Variants in CELF2 observed in about 807,000 individuals in gnomAD.
CELF2 encodes the protein CUGBP Elav-like family member 2, also known as CUG triplet repeat RNA-binding protein 2.
A neutral mutation model predicts 62.6 loss-of-function variants in CELF2; 8 were observed. That is an observed-to-expected ratio of 0.13 (90% CI 0.07 to 0.23). The LOEUF is 0.23. CELF2 is among the 10% of genes least tolerant of loss of function. CELF2 has a pLI of 1.00. For synonymous variants in CELF2, 258 were observed against 250.0 expected (o/e 1.03, Z -0.30); for missense variants, 333 against 671.0 (o/e 0.50, Z 5.56).
At chr10:11,202,013 T>A (rs184015953) in intron 2 of CELF2, among the ~76,000 whole-genome samples, 31 of 152,258 alleles carry the variant, frequency 2.0e-4, no homozygotes, top group Admixed American at 6.5e-4. Context: ...AAATTTGGCC[T>A]CACTGCATAG....
chr10:10,742,541 A>T, the CELF2 span, among the ~76,000 whole-genome samples: 1 of 150,924 alleles, frequency 6.6e-6, no homozygotes, highest in African/African-American at 2.4e-5. Context: ...AGGCAGGATG[A>T]TCCAAGATAG....
At chr10:10,597,971 G>T in the CELF2 span, among the ~76,000 whole-genome samples, 1 of 151,974 alleles carries the variant, frequency 6.6e-6, no homozygotes, top group Non-Finnish European at 1.5e-5. Flanking sequence ...TTAATGAATC[G>T]AGTCTAAGGA....
At chr10:11,322,816 C>T (rs2095513315) in intron 11 of CELF2, among the ~76,000 whole-genome samples, 1 of 152,076 alleles carries the variant, frequency 6.6e-6, no homozygotes, top group South Asian at 2.1e-4. Context: ...ACTGGTTCCC[C>T]AGGCTTGTGA....
chr10:11,305,060 G>C lies in CELF2; in HGVS notation c.977-9079G>C, dbSNP rs1591144623. Among the ~76,000 whole-genome samples the C allele has an allele frequency of 6.6e-6, 1 of 152,056 alleles. No individual in the cohort carries two copies. The highest frequency in any genetic ancestry group is 1.5e-5 in the Non-Finnish European group (1 of 67,980). On this transcript the variant is annotated intron_variant, in intron 9 of 12. Coordinates refer to ENST00000633077, the MANE Select transcript of CELF2 (RefSeq NM_001326342.2). The surrounding 1 kb of genome is among the most constrained non-coding windows in gnomAD (Gnocchi z 4.8). Reference sequence around the variant, plus strand: ...TCGGCATCTTCTGGTTCAACTCGGTGCCCCTCCTCCAGCCCTGGCCCAGTG... The same window carrying C: ...TCGGCATCTTCTGGTTCAACTCGGTCCCCCTCCTCCAGCCCTGGCCCAGTG...
upstream of CELF2, among the ~76,000 whole-genome samples, chr10:10,796,057 GT>G (rs1402674389): frequency 2.6e-5 from 4 of 151,982 alleles, no homozygotes; most frequent in Non-Finnish European, 5.9e-5. Flanking sequence ...CTGATTTTCC[GT>G]TTATGGAAAT....
intron 1 of CELF2, among the ~76,000 whole-genome samples, chr10:11,028,709 G>A (rs940113560): frequency 3.2e-5 from 4 of 123,770 alleles, no homozygotes; most frequent in East Asian, 2.4e-4. Context: ...GTGAGCCACC[G>A]CACCCAGCCT....
the CELF2 span, among the ~76,000 whole-genome samples, chr10:10,658,827 A>G: frequency 6.2e-4 from 94 of 152,154 alleles, no homozygotes; most frequent in Non-Finnish European, 1.2e-3. Flanking sequence ...TTTATCTGGA[A>G]TTTATGTTTT....
At position 11,022,623 on chromosome 10, in the gene CELF2, T is replaced by A. The variant is rs749900158; in HGVS notation, c.74+4460T>A. Among the ~76,000 whole-genome samples, 30 of 152,204 alleles carry A rather than the reference T, an allele frequency of 2.0e-4. No individual in the cohort carries two copies. The Middle Eastern group carries it at 0.01, about 52-fold the overall frequency. On this transcript the variant is annotated intron_variant, in intron 1 of 12. Coordinates refer to ENST00000633077, the MANE Select transcript of CELF2 (RefSeq NM_001326342.2). ...AATATCCTTAGCTTTTTTACATAAA[T>A]CCCCAAACTTCATTTCTCTTTACCC...
the CELF2 span, among the ~76,000 whole-genome samples, chr10:10,707,895 C>G: frequency 1.4e-4 from 21 of 152,038 alleles, no homozygotes; most frequent in African/African-American, 5.1e-4. Flanking sequence ...GGACATGGAC[C>G]TAATCCCTAC....
intron 2 of CELF2, among the ~76,000 whole-genome samples, chr10:11,181,324 C>A (rs896943641): frequency 2.0e-5 from 3 of 152,192 alleles, no homozygotes; most frequent in African/African-American, 7.2e-5. Context: ...TCTCTCATTT[C>A]GGAATGAATA....
At chr10:10,751,882 G>C in the CELF2 span, among the ~76,000 whole-genome samples, 23 of 152,146 alleles carry the variant, frequency 1.5e-4, no homozygotes, top group African/African-American at 5.3e-4. Context: ...GGTACTAATA[G>C]ATTCTCAAGT....
chr10:10,513,425 T>G, the CELF2 span, among the ~76,000 whole-genome samples: 1 of 152,176 alleles, frequency 6.6e-6, no homozygotes, highest in Non-Finnish European at 1.5e-5. Context: ...TTAAGGCTTT[T>G]TAAAAAGGAA....
chr10:11,293,642 A>G (rs1489739438), intron 9 of CELF2, among the ~76,000 whole-genome samples: 1 of 151,932 alleles, frequency 6.6e-6, no homozygotes, highest in East Asian at 1.9e-4. Flanking sequence ...ACTAACACTG[A>G]CCCTGTTGTC....
chr10:10,607,008 AAAAC>A, the CELF2 span, among the ~76,000 whole-genome samples: 7 of 152,214 alleles, frequency 4.6e-5, no homozygotes, highest in African/African-American at 1.4e-4. Context: ...ATTAAAGAAA[AAAAC>A]AAAGAAAAAT....
the CELF2 span, among the ~76,000 whole-genome samples, chr10:10,729,888 T>C: frequency 6.6e-6 from 1 of 152,236 alleles, no homozygotes; most frequent in Non-Finnish European, 1.5e-5. Flanking sequence ...GAAACCTGTG[T>C]ATGACTCCTA....
At chr10:10,704,459 T>A in the CELF2 span, among the ~76,000 whole-genome samples, 2 of 152,238 alleles carry the variant, frequency 1.3e-5, no homozygotes, top group African/African-American at 4.8e-5. Flanking sequence ...ATTATCTAAA[T>A]GATTTTCATT....
chr10:10,915,024 C>T (rs181656331), intron 1 of CELF2, among the ~76,000 whole-genome samples: 5 of 151,574 alleles, frequency 3.3e-5, no homozygotes, highest in Non-Finnish European at 7.4e-5. Context: ...CCCAGCTACT[C>T]GGGAGACTGA....
chr10:10,492,442 C>G, the CELF2 span, among the ~76,000 whole-genome samples: 5 of 150,214 alleles, frequency 3.3e-5, no homozygotes, highest in East Asian at 9.8e-4. Flanking sequence ...CACATGTACC[C>G]TAGAACTTAA....
the CELF2 span, among the ~76,000 whole-genome samples, chr10:10,686,182 T>C: frequency 2.0e-5 from 3 of 152,056 alleles, no homozygotes; most frequent in African/African-American, 7.2e-5. Flanking sequence ...AGAGTGTTGA[T>C]AGGATTGCAG....
Sources: gnomAD v4.1 joint callset for allele counts (sites outside exome capture counted in the v4.1 genomes callset) on GRCh38, gnomAD v4.1.1 for gene constraint, Gnocchi (gnomAD v3.1) non-coding constraint, MANE v1.5 for transcripts, NCBI Gene and HGNC (gene_info 2026-07-23, HGNC 2026-07-21) for gene names.